Variants in RBFOX1 observed in about 807,000 individuals in gnomAD.
The protein encoded by RBFOX1 is RNA binding protein fox-1 homolog 1.
Under a neutral mutation model 57.7 loss-of-function variants are expected in RBFOX1, and 8 were observed. That is an observed-to-expected ratio of 0.14 (90% CI 0.08 to 0.25). The LOEUF (loss-of-function observed/expected upper bound fraction) is 0.25, where lower values mean the gene tolerates loss of function less well. Among genes scored for constraint, RBFOX1 ranks in the 10% least tolerant of loss-of-function variants. RBFOX1 has a pLI of 1.00. For synonymous variants in RBFOX1, 326 were observed against 222.4 expected (o/e 1.47, Z -4.15); for missense variants, 611 against 548.5 (o/e 1.11, Z -1.14).
chr16:7,017,491 G>A (rs1421955112), intron 3 of RBFOX1, among the ~76,000 whole-genome samples: 1 of 152,164 alleles, frequency 6.6e-6, no homozygotes, highest in Non-Finnish European at 1.5e-5. Context: ...GTAAAATATA[G>A]CCAGATACTG....
intron 2 of RBFOX1, among the ~76,000 whole-genome samples, chr16:6,613,125 G>A (rs1322811125): frequency 5.3e-5 from 8 of 151,696 alleles, no homozygotes; most frequent in South Asian, 2.1e-4. Context: ...TTTTGCACTC[G>A]CGGTGCATGT....
intron 2 of RBFOX1, among the ~76,000 whole-genome samples, chr16:6,473,644 C>G (rs2095226974): frequency 1.3e-5 from 2 of 151,874 alleles, no homozygotes; most frequent in Admixed American, 1.3e-4. Flanking sequence ...GCTATTTATT[C>G]AGAGCTTGCT....
chr16:6,940,877 G>T (rs2078306930), intron 3 of RBFOX1, among the ~76,000 whole-genome samples: 1 of 142,050 alleles, frequency 7.0e-6, no homozygotes, highest in African/African-American at 2.7e-5. Flanking sequence ...GTGTGTGTGT[G>T]TGTGTGTGTG....
intron 4 of RBFOX1, among the ~76,000 whole-genome samples, chr16:5,983,997 C>G (rs1016109098): frequency 4.3e-5 from 6 of 140,608 alleles, no homozygotes; most frequent in Admixed American, 3.6e-4. Context: ...CCACATTCTT[C>G]TTCTTCTCCT....
At chr16:6,670,266 C>A (rs939895812) in intron 3 of RBFOX1, among the ~76,000 whole-genome samples, 1 of 151,858 alleles carries the variant, frequency 6.6e-6, no homozygotes, top group Non-Finnish European at 1.5e-5. Context: ...ACGGGGTTTT[C>A]CCTATGTTGT....
At chr16:7,261,443 G>C (rs533302357) in intron 4 of RBFOX1, among the ~76,000 whole-genome samples, 2 of 152,290 alleles carry the variant, frequency 1.3e-5, no homozygotes, top group Non-Finnish European at 2.9e-5. Context: ...ATAGTTAAAA[G>C]TTGGATGCTT....
intron 4 of RBFOX1, among the ~76,000 whole-genome samples, chr16:7,400,122 A>T (rs2098216197): frequency 6.6e-6 from 1 of 152,158 alleles, no homozygotes; most frequent in Non-Finnish European, 1.5e-5. Flanking sequence ...CACAGTTGGT[A>T]TCCTAATCCG....
At chr16:7,255,298 A>C (rs762977436) in intron 4 of RBFOX1, among the ~76,000 whole-genome samples, 1 of 152,228 alleles carries the variant, frequency 6.6e-6, no homozygotes. Context: ...ATTCTATCAC[A>C]CTGCTGTGGA....
intron 14 of RBFOX1, among the ~76,000 whole-genome samples, chr16:7,685,338 G>A (rs1048783988): frequency 1.3e-5 from 2 of 152,128 alleles, no homozygotes; most frequent in Admixed American, 6.6e-5. Flanking sequence ...ACTATCAACA[G>A]CTGAGTGACT....
intron 3 of RBFOX1, among the ~76,000 whole-genome samples, chr16:7,021,712 A>C (rs1041538454): frequency 1.3e-5 from 2 of 150,510 alleles, no homozygotes; most frequent in African/African-American, 2.4e-5. Flanking sequence ...GTATTTACCA[A>C]GCTTTTTGCA....
At chr16:6,966,672 C>G (rs1170837403) in intron 3 of RBFOX1, among the ~76,000 whole-genome samples, 2 of 152,154 alleles carry the variant, frequency 1.3e-5, no homozygotes, top group Admixed American at 1.3e-4. Context: ...TGAGATAGTG[C>G]AAGCTGGGCT....
intron 4 of RBFOX1, among the ~76,000 whole-genome samples, chr16:7,508,974 C>G (rs2074241272): frequency 6.6e-6 from 1 of 152,188 alleles, no homozygotes; most frequent in Non-Finnish European, 1.5e-5. Context: ...CAAATAATAA[C>G]TGAAATTATT....
At chr16:7,634,854 A>C (rs1314048663) in intron 11 of RBFOX1, among the ~76,000 whole-genome samples, 6 of 152,226 alleles carry the variant, frequency 3.9e-5, no homozygotes, top group Non-Finnish European at 5.9e-5. Context: ...TATGAAACTT[A>C]AATGAAGAAA....
At chr16:5,898,517 G>A (rs2058222601) in intron 4 of RBFOX1, among the ~76,000 whole-genome samples, 1 of 143,100 alleles carries the variant, frequency 7.0e-6, no homozygotes, top group African/African-American at 2.5e-5. Context: ...ATAAGCAACA[G>A]TAGCAGGGTT....
chr16:7,174,671 T>C (rs1171047233), intron 4 of RBFOX1, among the ~76,000 whole-genome samples: 1 of 152,114 alleles, frequency 6.6e-6, no homozygotes, highest in African/African-American at 2.4e-5. Context: ...TCCCAGCTAC[T>C]CGGGAGTCTG....
intron 4 of RBFOX1, among the ~76,000 whole-genome samples, chr16:7,407,991 C>T (rs538204881): frequency 6.6e-6 from 1 of 152,148 alleles, no homozygotes; most frequent in Non-Finnish European, 1.5e-5. Flanking sequence ...GCCCACAGTG[C>T]CTAAAATATT....
At chr16:7,268,766 G>A (rs1284638741) in intron 4 of RBFOX1, among the ~76,000 whole-genome samples, 1 of 152,060 alleles carries the variant, frequency 6.6e-6, no homozygotes, top group African/African-American at 2.4e-5. Flanking sequence ...GGGCACAGTG[G>A]CTCACGCCTG....
At chr16:6,864,388 T>G (rs2059550617) in intron 3 of RBFOX1, among the ~76,000 whole-genome samples, 1 of 152,200 alleles carries the variant, frequency 6.6e-6, no homozygotes, top group Non-Finnish European at 1.5e-5. Flanking sequence ...GGCTATTTGT[T>G]TTACTTTTGC....
chr16:5,823,124 A>G (rs2055914021), intron 3 of RBFOX1, among the ~76,000 whole-genome samples: 1 of 152,050 alleles, frequency 6.6e-6, no homozygotes, highest in African/African-American at 2.4e-5. Context: ...CTGCCTACCC[A>G]TTGCCTTACC....
Sources: gnomAD v4.1 joint callset for allele counts (sites outside exome capture counted in the v4.1 genomes callset) on GRCh38, gnomAD v4.1.1 for gene constraint, MANE v1.5 for transcripts, NCBI Gene and HGNC (gene_info 2026-07-23, HGNC 2026-07-21) for gene names.